The following TRMT1L variants were observed in gnomAD, a reference collection of about 807,000 sequenced individuals.
TRMT1L encodes the protein tRNA methyltransferase 1L, also known as tRNA (guanine(27)-N(2))-dimethyltransferase.
A neutral mutation model predicts 81.6 loss-of-function variants in TRMT1L; 28 were observed. The observed-to-expected ratio is 0.34, with a 90% CI of 0.25 to 0.47. The LOEUF is 0.47. TRMT1L is among the 20% of genes least tolerant of loss of function. The pLI is 1.00. For missense variants in TRMT1L, 739 were observed against 877.1 expected, an observed-to-expected ratio of 0.84 and a Z score of 1.99; for synonymous variants, 301 against 303.2, an observed-to-expected ratio of 0.99 and a Z score of 0.07.
At chr1:185,146,314 TA>T (rs1276906109) in intron 4 of TRMT1L, among the ~76,000 whole-genome samples, 5 of 151,922 alleles carry the variant, frequency 3.3e-5, no homozygotes, top group African/African-American at 9.7e-5. Context: ...CTTATCCGAG[TA>T]AAAAAATTTT....
At chr1:185,150,346 A>C in intron 3 of TRMT1L, 33 bp downstream of exon 3, 1 of 1,439,638 alleles carries the variant, frequency 6.9e-7, no homozygotes, top group Non-Finnish European at 9.7e-7. Context: ...AATTTCATAT[A>C]TATTACTTCT....
At position 185,156,681 on chromosome 1, in the gene TRMT1L, G is replaced by A; in HGVS notation, c.32C>T (p.Pro11Leu). Residue 11 changes from proline (P) to leucine (L), a missense_variant, in exon 1 of 15, where the codon CCC becomes CTC. Physicochemically the swap from Pro to Leu is moderately conservative, Grantham distance 98. Transcript: ENST00000367506. MENMAEEELL[P>L]LEKEEVEVAQ... ...CACCTCCACCTCCTCCTTCTCCAGG[G>A]GCAGCAGCTCCTCCTCCGCCATATT... is the stretch of plus-strand genomic sequence containing the variant. 1.2e-6 allele frequency: 2 copies of A among 1,612,360 alleles called. No individual in the cohort carries two copies. The highest frequency in any genetic ancestry group is 1.7e-6 in the Non-Finnish European group (2 of 1,179,720).
chr1:185,142,487 A>G (rs1251544091), intron 7 of TRMT1L, among the ~76,000 whole-genome samples: 1 of 152,108 alleles, frequency 6.6e-6, no homozygotes, highest in Admixed American at 6.5e-5. Context: ...TACTGTTTCT[A>G]TTATCTTTTC....
chr1:185,129,731 T>A (rs1345992632), intron 10 of TRMT1L, among the ~76,000 whole-genome samples: 1 of 152,026 alleles, frequency 6.6e-6, no homozygotes, highest in Non-Finnish European at 1.5e-5. Context: ...AATGCATAGT[T>A]ATGAGATCTT....
In TRMT1L at chr1:185,120,649, C is replaced by T. The variant is rs543379493; in HGVS notation, c.1823-140G>A. On this transcript the variant is annotated intron_variant, in intron 13 of 14. Coordinates refer to ENST00000367506, the MANE Select transcript of TRMT1L (RefSeq NM_030934.5). The stretch of plus-strand genomic sequence containing the variant: ...CCAATCTTAATTCTTATAATTTATT[C>T]TATTTTCACGGTCCTTCACTTATGT... 10 of 763,786 alleles carry T rather than the reference C, an allele frequency of 1.3e-5. No homozygotes were observed. The East Asian group carries it at 2.5e-4, about 19-fold the overall frequency. 47.3% of individuals were successfully genotyped at this position (763,786 alleles called of 1,614,324 possible).
At position 185,137,676 on chromosome 1, in the gene TRMT1L, C is replaced by T; in HGVS notation, c.1443G>A (p.Lys481=). ...GPTSADETAK[K]IQYLIHCQWC... ...ACTGACAATGGATCAGGTATTGAAT[C>T]TTCTTGGCTGTTTCATCTGCTGAAG... Residue 481 remains lysine (K), a synonymous_variant, in exon 10 of 15, where the codon AAG becomes AAA. Transcript: ENST00000367506. 1 of 1,614,134 alleles carries T rather than the reference C, an allele frequency of 6.2e-7. No individual in the cohort carries two copies. The highest frequency in any genetic ancestry group is 8.5e-7 in the Non-Finnish European group (1 of 1,180,014).
In TRMT1L at chr1:185,137,555, G is replaced by T. The variant is rs760715547; in HGVS notation, c.1513+51C>A. Reference sequence around the variant, plus strand: ...ATGTATAATTAGGTATGTGATAAAGGCTTATTCAGTGGAGGATTATAGATA... The same window carrying T: ...ATGTATAATTAGGTATGTGATAAAGTCTTATTCAGTGGAGGATTATAGATA... On this transcript the variant is annotated intron_variant, in intron 10 of 14. Transcript: ENST00000367506. The T allele has an allele frequency of 2.6e-6, 4 of 1,528,936 alleles. No homozygotes were observed. In the South Asian group the frequency reaches 3.4e-5, roughly 13 times the overall value. 94.7% of individuals were successfully genotyped at this position (1,528,936 alleles called of 1,614,324 possible). A position where few individuals can be genotyped will look rare whatever the true frequency, so the allele number is the denominator to read the frequency against.
At chr1:185,120,598 C>A in intron 13 of TRMT1L, 89 bp from the exon 14 acceptor site, 1 of 1,175,380 alleles carries the variant, frequency 8.5e-7, no homozygotes, top group East Asian at 3.0e-5. Context: ...AGTATAAATC[C>A]TGACACATTA....
intron 8 of TRMT1L, 91 bp downstream of exon 8, chr1:185,139,878 TAAAC>T (rs1652991547): frequency 7.2e-7 from 1 of 1,391,652 alleles, no homozygotes; most frequent in South Asian, 1.5e-5. Context: ...TTTAAATAAA[TAAAC>T]AACAAAAAAC....
chr1:185,139,422 G>A lies in TRMT1L; in HGVS notation c.1267C>T (p.Arg423Ter). The A allele has an allele frequency of 1.2e-6, 2 of 1,614,002 alleles. No homozygotes were observed. Among genetic ancestry groups the A allele is most frequent in the Non-Finnish European group, 1.7e-6 (2 of 1,179,950 alleles). The change falls in exon 9 of 15, where the codon CGA (arginine) becomes TGA (stop). Residue 423 changes from arginine (R) to a stop codon, truncating the protein, a stop_gained. Transcript: ENST00000367506. LOFTEE classifies it high-confidence loss of function. ...ARRHYGCNIV[R>*]TEYYKELAAR... is the part of the protein sequence containing the mutation. ...GCTAGTTCCTTGTAATATTCAGTTCGGACAATGTTACATCCGTAGTGACGC... is the reference window on the plus strand; with the variant it reads ...GCTAGTTCCTTGTAATATTCAGTTCAGACAATGTTACATCCGTAGTGACGC...
intron 1 of TRMT1L, among the ~76,000 whole-genome samples, chr1:185,152,459 CTGAAGA>C (rs1194617489): frequency 6.6e-6 from 1 of 152,174 alleles, no homozygotes; most frequent in East Asian, 1.9e-4. Context: ...GTATGTGCAG[CTGAAGA>C]TGCAGTACAG....
At chr1:185,147,276 AT>A in intron 3 of TRMT1L, 30 bp from the exon 4 acceptor site, 1 of 1,523,242 alleles carries the variant, frequency 6.6e-7, no homozygotes. Flanking sequence ...GTTATCATAC[AT>A]TGTTCATTAA....
chr1:185,125,658 T>C (rs1460408136), intron 11 of TRMT1L, among the ~76,000 whole-genome samples: 1 of 152,108 alleles, frequency 6.6e-6, no homozygotes, highest in Non-Finnish European at 1.5e-5. Context: ...TACTTAAAAA[T>C]GGTAAAGAAG....
At chr1:185,138,948 C>T (rs1652967774) in intron 9 of TRMT1L, among the ~76,000 whole-genome samples, 1 of 152,078 alleles carries the variant, frequency 6.6e-6, no homozygotes, top group Admixed American at 6.5e-5. Context: ...CCAACATGCC[C>T]AGCTAATTTT....
rs192760681 is a variant in TRMT1L at position 185,138,568 on chromosome 1, G to A, written c.1323-772C>T. Reference sequence around the variant, plus strand: ...TCCATTATCTATATTCACAATATCCGTTTATATTATATTATTCTAGCATAA... The same window carrying A: ...TCCATTATCTATATTCACAATATCCATTTATATTATATTATTCTAGCATAA... On this transcript the variant is annotated intron_variant, in intron 9 of 14. Transcript: ENST00000367506. 2.0e-3 allele frequency among the ~76,000 whole-genome samples: 305 copies of A among 152,132 alleles called. 2 individuals are homozygous for A. The highest frequency in any genetic ancestry group is 6.9e-3 in the African/African-American group (288 of 41,486).
chr1:185,156,634 G>A lies in TRMT1L; in HGVS notation c.79C>T (p.Pro27Ser), dbSNP rs1444067739. 1 of 1,605,920 alleles carries A rather than the reference G, an allele frequency of 6.2e-7. No individual in the cohort carries two copies. The highest frequency in any genetic ancestry group is 1.1e-5 in the South Asian group (1 of 90,562). Reference sequence around the variant, plus strand: ...GGGACCCCAGCCGAGTCCCGGGCCGGGGTCGGGACCTGGACCTGGGCCACC... The same window carrying A: ...GGGACCCCAGCCGAGTCCCGGGCCGAGGTCGGGACCTGGACCTGGGCCACC... ...VEVAQVQVPTPARDSAGVPAP... is the reference protein window; with the variant it reads ...VEVAQVQVPTSARDSAGVPAP... The change falls in exon 1 of 15, where the codon CCG becomes TCG. Residue 27 changes from proline (P) to serine (S), a missense_variant. By Grantham distance (74) the Pro-to-Ser change is moderately conservative. Around this residue, in one of 4 missense-constraint regions of TRMT1L, gnomAD observed 209 missense variants for 165.4 expected, o/e 1.26. Coordinates refer to ENST00000367506, the MANE Select transcript of TRMT1L (RefSeq NM_030934.5).
chr1:185,131,156 C>T lies in TRMT1L; in HGVS notation c.1514-2409G>A, dbSNP rs1050702808. On this transcript the variant is annotated intron_variant, in intron 10 of 14. Coordinates refer to ENST00000367506, the MANE Select transcript of TRMT1L (RefSeq NM_030934.5). ...CTGGGACTATTGGTGCCCGCCACCA[C>T]GCCCGGCTAATTTTTTGTATTTTTA... Among the ~76,000 whole-genome samples, 11 of 152,026 alleles carry T rather than the reference C, an allele frequency of 7.2e-5. No homozygotes were observed. The East Asian group carries it at 1.2e-3, about 16-fold the overall frequency.
rs934938971 is a variant in TRMT1L, at chr1:185,128,582, G to T, written c.1592+87C>A. ...AGACTTAACAATTGAATTTAAATTT[G>T]TCTTTTACCACACATAATAAAAATC... On this transcript the variant is annotated intron_variant, in intron 11 of 14. Coordinates refer to ENST00000367506, the MANE Select transcript of TRMT1L (RefSeq NM_030934.5). 3.3e-5 allele frequency: 41 copies of T among 1,243,128 alleles called. No individual in the cohort carries two copies. In the African/African-American group the frequency reaches 4.9e-4, roughly 15 times the overall value. The allele number at this position is 1,243,128 out of a possible 1,614,324, so 77.0% of individuals were successfully genotyped here.
chr1:185,150,579 C>T (rs1213939351), intron 2 of TRMT1L, 87 bp from the exon 3 acceptor site: 3 of 858,016 alleles, frequency 3.5e-6, no homozygotes, highest in East Asian at 5.3e-5. Flanking sequence ...ATGGGGGCTC[C>T]CCCTCCTACT....
Sources: allele counts gnomAD v4.1 joint callset (sites outside exome capture counted in the v4.1 genomes callset), GRCh38; gene constraint gnomAD v4.1.1; regional missense constraint gnomAD v4.1.1; transcripts MANE v1.5; gene names NCBI Gene and HGNC (gene_info 2026-07-23, HGNC 2026-07-21).